CNTNAP5: variants seen among roughly 807,000 people sequenced by gnomAD.
CNTNAP5 encodes contactin associated protein family member 5.
In CNTNAP5, 72 loss-of-function variants were observed where a neutral mutation model predicts 150.2. The observed-to-expected ratio is 0.48, with a 90% CI of 0.40 to 0.58. The LOEUF is 0.58. Ranked by LOEUF, CNTNAP5 falls within the 20% of genes least tolerant of loss-of-function variation. The pLI is 0.00. For missense variants in CNTNAP5, 1,636 were observed against 1,626.2 expected (o/e 1.01, Z -0.10); for synonymous variants, 672 against 619.8 (o/e 1.08, Z -1.25).
chr2:124,767,184 CCT>C (rs1174228667), intron 16 of CNTNAP5, among the ~76,000 whole-genome samples: 1 of 152,110 alleles, frequency 6.6e-6, no homozygotes, highest in Non-Finnish European at 1.5e-5. Flanking sequence ...AATAGATTTC[CCT>C]CTCATCCGCA....
chr2:124,817,250 G>T (rs1682383375), intron 19 of CNTNAP5, among the ~76,000 whole-genome samples: 1 of 152,156 alleles, frequency 6.6e-6, no homozygotes, highest in African/African-American at 2.4e-5. Flanking sequence ...TAACTTTGGA[G>T]GTAGGGAGAA....
chr2:124,720,001 C>T (rs943268192), intron 13 of CNTNAP5, among the ~76,000 whole-genome samples: 10 of 152,244 alleles, frequency 6.6e-5, no homozygotes, highest in Admixed American at 6.5e-4. Flanking sequence ...GATAATCTGG[C>T]TACCAAGATT....
intron 1 of CNTNAP5, among the ~76,000 whole-genome samples, chr2:124,036,425 G>A (rs1681221264): frequency 6.6e-6 from 1 of 152,052 alleles, no homozygotes; most frequent in Admixed American, 6.5e-5. Flanking sequence ...GCTCGCCCCT[G>A]TTACGGTCAC....
intron 7 of CNTNAP5, among the ~76,000 whole-genome samples, chr2:124,479,246 A>G (rs754325673): frequency 6.6e-6 from 1 of 152,198 alleles, no homozygotes; most frequent in Non-Finnish European, 1.5e-5. Flanking sequence ...TATATGTAGT[A>G]TAAGAAATAT....
At chr2:124,527,656 T>C (rs1573437663) in intron 10 of CNTNAP5, among the ~76,000 whole-genome samples, 200 bp downstream of exon 10, 1 of 152,230 alleles carries the variant, frequency 6.6e-6, no homozygotes, top group East Asian at 1.9e-4. Flanking sequence ...TCTCTTCATG[T>C]TGACTTGCAG....
At chr2:124,555,875 G>C (rs760898900) in intron 10 of CNTNAP5, among the ~76,000 whole-genome samples, 2 of 152,146 alleles carry the variant, frequency 1.3e-5, no homozygotes, top group African/African-American at 4.8e-5. Context: ...TTGGGAATTT[G>C]TAGAATAAAT....
At chr2:124,395,426 A>T (rs1208870048) in intron 3 of CNTNAP5, among the ~76,000 whole-genome samples, 1 of 152,150 alleles carries the variant, frequency 6.6e-6, no homozygotes, top group African/African-American at 2.4e-5. Flanking sequence ...GAAACAGCAT[A>T]GGATGTGACA....
chr2:124,810,144 A>G (rs1268518860), intron 19 of CNTNAP5, among the ~76,000 whole-genome samples: 1 of 152,178 alleles, frequency 6.6e-6, no homozygotes, highest in Non-Finnish European at 1.5e-5. Context: ...ATATGCATGC[A>G]TTCATTATCT....
chr2:124,427,515 GAC>G (rs1318574887), intron 4 of CNTNAP5, among the ~76,000 whole-genome samples: 1 of 151,956 alleles, frequency 6.6e-6, no homozygotes, highest in Non-Finnish European at 1.5e-5. Context: ...AGAGTGCAGT[GAC>G]ACAATCTTGG....
chr2:124,360,227 A>T (rs964404731), intron 3 of CNTNAP5, among the ~76,000 whole-genome samples: 19 of 151,678 alleles, frequency 1.3e-4, no homozygotes, highest in Admixed American at 3.3e-4. Flanking sequence ...TTTCCTGAAT[A>T]CAGCACACTG....
At chr2:124,629,142 A>G (rs969819174) in intron 12 of CNTNAP5, among the ~76,000 whole-genome samples, 30 of 152,312 alleles carry the variant, frequency 2.0e-4, no homozygotes, top group African/African-American at 7.0e-4. Context: ...TCAGTATTAG[A>G]TAGATCACGG....
Position 124,112,025 on chromosome 2 carries a change from A to C in CNTNAP5, c.82+86293A>C, listed in dbSNP as rs866925025. ...ACCCCATCTATGCAAGTTTGCTGGA[A>C]TCTTGTGCTGCTCAGAATATAATAC... On this transcript the variant is annotated intron_variant, in intron 1 of 23. Coordinates refer to ENST00000682447, the MANE Select transcript of CNTNAP5 (RefSeq NM_001367498.1). Among the ~76,000 whole-genome samples the C allele has an allele frequency of 4.6e-5, 7 of 152,200 alleles. No homozygotes were observed. In the South Asian group the frequency reaches 1.4e-3, roughly 31 times the overall value.
intron 10 of CNTNAP5, among the ~76,000 whole-genome samples, chr2:124,549,722 CT>C (rs1176728530): frequency 3.3e-5 from 5 of 152,254 alleles, no homozygotes; most frequent in East Asian, 1.9e-4. Context: ...GGTATAATTG[CT>C]TTTTTTCTTC....
chr2:124,383,182 C>T (rs1052528166), intron 3 of CNTNAP5, among the ~76,000 whole-genome samples: 1 of 152,122 alleles, frequency 6.6e-6, no homozygotes, highest in African/African-American at 2.4e-5. Flanking sequence ...AACATTATTG[C>T]TGGAGTAATA....
At chr2:124,763,441 AC>A (rs1219522887) in intron 14 of CNTNAP5, among the ~76,000 whole-genome samples, 1 of 152,138 alleles carries the variant, frequency 6.6e-6, no homozygotes, top group Non-Finnish European at 1.5e-5. Flanking sequence ...CTACAAGCAC[AC>A]GTGGGGAAGA....
At chr2:124,143,909 A>G (rs1193931439) in intron 1 of CNTNAP5, among the ~76,000 whole-genome samples, 1 of 134,144 alleles carries the variant, frequency 7.5e-6, no homozygotes, top group Non-Finnish European at 1.6e-5. Flanking sequence ...TCTCAGCCCA[A>G]AATCTCCTTA....
At chr2:124,172,666 G>A (rs1027759597) in intron 1 of CNTNAP5, among the ~76,000 whole-genome samples, 1 of 152,006 alleles carries the variant, frequency 6.6e-6, no homozygotes, top group African/African-American at 2.4e-5. Context: ...TGTCCTTCTT[G>A]ACCTCCCAAA....
intron 1 of CNTNAP5, among the ~76,000 whole-genome samples, chr2:124,052,526 G>A (rs1681726810): frequency 6.6e-6 from 1 of 152,208 alleles, no homozygotes; most frequent in South Asian, 2.1e-4. Context: ...CATTTGCAGT[G>A]CAGAACTTTC....
At chr2:124,384,160 C>A (rs1187361300) in intron 3 of CNTNAP5, among the ~76,000 whole-genome samples, 2 of 152,066 alleles carry the variant, frequency 1.3e-5, no homozygotes, top group Non-Finnish European at 2.9e-5. Context: ...ATGTGGTTAT[C>A]TCTTTGAAAG....
Sources: gnomAD v4.1 joint callset for allele counts (sites outside exome capture counted in the v4.1 genomes callset) on GRCh38, gnomAD v4.1.1 for gene constraint, MANE v1.5 for transcripts, NCBI Gene and HGNC (gene_info 2026-07-23, HGNC 2026-07-21) for gene names.